Variants in CDH18 observed in about 807,000 individuals in gnomAD.
CDH18 encodes the protein cadherin-18.
In CDH18, 31 loss-of-function variants were observed where a neutral mutation model predicts 67.9. The observed-to-expected ratio is 0.46, with a 90% confidence interval of 0.34 to 0.62. The LOEUF (loss-of-function observed/expected upper bound fraction) is 0.62. Among genes scored for constraint, CDH18 ranks in the 20% least tolerant of loss-of-function variants. The probability of loss-of-function intolerance (pLI) is 0.01; values close to 1 mark genes in which losing one functional copy is unlikely to be tolerated. For synonymous variants in CDH18, 362 were observed against 347.2 expected (o/e 1.04, Z -0.48); for missense variants, 890 against 975.5 (o/e 0.91, Z 1.17).
intron 6 of CDH18, among the ~76,000 whole-genome samples, chr5:19,594,429 G>C (rs1477800358): frequency 1.3e-5 from 2 of 152,108 alleles, no homozygotes; most frequent in African/African-American, 4.8e-5. Context: ...GGGATTACAG[G>C]CATGAGCCAC....
intron 1 of CDH18, among the ~76,000 whole-genome samples, chr5:20,445,140 C>T (rs1376675317): frequency 1.3e-5 from 2 of 152,160 alleles, no homozygotes; most frequent in African/African-American, 4.8e-5. Context: ...GTCTTCTAAA[C>T]ATAGTTGAGA....
chr5:19,844,828 C>A (rs1782743508), intron 2 of CDH18, among the ~76,000 whole-genome samples: 1 of 152,248 alleles, frequency 6.6e-6, no homozygotes, highest in Middle Eastern at 3.4e-3. Flanking sequence ...GATATAATTT[C>A]TAGCTGTCTA....
At chr5:19,736,757 A>G (rs1209579216) in intron 4 of CDH18, among the ~76,000 whole-genome samples, 2 of 152,144 alleles carry the variant, frequency 1.3e-5, no homozygotes, top group African/African-American at 4.8e-5. Context: ...CACCGCTTTT[A>G]TGAAAGGTCG....
intron 4 of CDH18, among the ~76,000 whole-genome samples, chr5:19,724,042 T>A (rs761291641): frequency 1.3e-5 from 2 of 152,130 alleles, no homozygotes; most frequent in Non-Finnish European, 2.9e-5. Flanking sequence ...AAAACTGATG[T>A]TCACAGAAAA....
chr5:19,978,287 G>A (rs1458061805), intron 2 of CDH18, among the ~76,000 whole-genome samples: 1 of 151,996 alleles, frequency 6.6e-6, no homozygotes, highest in Non-Finnish European at 1.5e-5. Context: ...TTCTTTTTGA[G>A]GCAACTAGCA....
intron 3 of CDH18, among the ~76,000 whole-genome samples, chr5:19,809,379 T>G (rs1010326059): frequency 6.6e-6 from 1 of 152,102 alleles, no homozygotes; most frequent in Non-Finnish European, 1.5e-5. Flanking sequence ...CCTTAAGATA[T>G]AGAATTAGAA....
intron 3 of CDH18, among the ~76,000 whole-genome samples, chr5:19,781,170 A>G (rs932736898): frequency 1.3e-5 from 2 of 152,148 alleles, no homozygotes; most frequent in African/African-American, 4.8e-5. Context: ...TCCAAAAGTA[A>G]ATCATGTATC....
chr5:19,830,962 A>G (rs935405188), intron 3 of CDH18, among the ~76,000 whole-genome samples: 1 of 152,088 alleles, frequency 6.6e-6, no homozygotes, highest in Non-Finnish European at 1.5e-5. Flanking sequence ...TCATGTTCTC[A>G]TTTATAAGTG....
intron 3 of CDH18, among the ~76,000 whole-genome samples, chr5:19,809,415 C>T (rs1273345274): frequency 1.3e-5 from 2 of 152,140 alleles, no homozygotes; most frequent in Non-Finnish European, 2.9e-5. Context: ...AAAGCCAAAA[C>T]ACTTAAAATC....
rs139289100 is a variant in CDH18 at position 19,494,599 on chromosome 5, T to A, written c.1630+8393A>T. On this transcript the variant is annotated intron_variant, in intron 11 of 12. Coordinates refer to ENST00000382275, the MANE Select transcript of CDH18 (RefSeq NM_004934.5). ...TTCATGTTAGCTCAAAAAGTCTCAC[T>A]TAGATATATAATCACGTTCAATATG... 2.8e-4 allele frequency among the ~76,000 whole-genome samples: 42 copies of A among 152,328 alleles called. 1 individual carries two copies. Among genetic ancestry groups the A allele is most frequent in the African/African-American group, 9.6e-4 (40 of 41,598 alleles).
intron 11 of CDH18, among the ~76,000 whole-genome samples, chr5:19,491,576 A>G (rs961106286): frequency 1.3e-5 from 2 of 152,176 alleles, no homozygotes; most frequent in African/African-American, 4.8e-5. Flanking sequence ...GGAGTGTGAA[A>G]TTTGAAAAGA....
intron 1 of CDH18, among the ~76,000 whole-genome samples, chr5:20,484,773 A>G (rs1753056625): frequency 6.6e-6 from 1 of 152,082 alleles, no homozygotes; most frequent in Non-Finnish European, 1.5e-5. Flanking sequence ...GGAGATAGAG[A>G]GTAGAACGAT....
chr5:19,985,307 C>T (rs1799447339), intron 1 of CDH18, among the ~76,000 whole-genome samples: 1 of 152,082 alleles, frequency 6.6e-6, no homozygotes, highest in Non-Finnish European at 1.5e-5. Context: ...CAGTTGCCTA[C>T]TCAAACAGCA....
chr5:20,419,488 T>C, intron 1 of CDH18, among the ~76,000 whole-genome samples: 1 of 112,880 alleles, frequency 8.9e-6, no homozygotes, highest in South Asian at 2.9e-4. Flanking sequence ...TTTTTTTTTT[T>C]TTTTTGAGAT....
intron 5 of CDH18, among the ~76,000 whole-genome samples, chr5:19,672,673 A>T (rs1758915180): frequency 6.6e-6 from 1 of 152,076 alleles, no homozygotes; most frequent in Non-Finnish European, 1.5e-5. Context: ...AATCAGCTCC[A>T]TAGGAATAGT....
At chr5:19,988,902 C>A (rs10044457), upstream of CDH18, among the ~76,000 whole-genome samples, 5,085 of 152,142 alleles carry the variant, frequency 0.033, 284 homozygotes, top group African/African-American at 0.11. Context: ...TGGAGGTCAG[C>A]ATTTATATTT....
chr5:19,877,610 T>C (rs1408388933), intron 2 of CDH18, among the ~76,000 whole-genome samples: 1 of 152,168 alleles, frequency 6.6e-6, no homozygotes, highest in Non-Finnish European at 1.5e-5. Flanking sequence ...TTTATGTTTA[T>C]AGTAACATAG....
intron 8 of CDH18, among the ~76,000 whole-genome samples, chr5:19,553,633 C>CTTTTTTTT (rs1021709184): frequency 2.8e-5 from 3 of 108,776 alleles, no homozygotes; most frequent in African/African-American, 3.7e-5. Context: ...TGGTCTCATA[C>CTTTTTTTT]TTTTTTTTTT....
At chr5:20,029,838 G>A (rs1739230161) in intron 2 of CDH18, among the ~76,000 whole-genome samples, 1 of 152,164 alleles carries the variant, frequency 6.6e-6, no homozygotes, top group Non-Finnish European at 1.5e-5. Context: ...AGCAAATGGA[G>A]AGACTGAGTT....
Sources: gnomAD v4.1 joint callset for allele counts (sites outside exome capture counted in the v4.1 genomes callset) on GRCh38, gnomAD v4.1.1 for gene constraint, MANE v1.5 for transcripts, NCBI Gene and HGNC (gene_info 2026-07-23, HGNC 2026-07-21) for gene names.